Variants in FOXN3 observed in about 807,000 individuals in gnomAD.
The protein encoded by FOXN3 is forkhead box N3.
In FOXN3, 7 loss-of-function variants were observed where a neutral mutation model predicts 38.4. The observed-to-expected ratio is 0.18, with a 90% CI of 0.10 to 0.34. The LOEUF (loss-of-function observed/expected upper bound fraction) is 0.34, where lower values mean the gene tolerates loss of function less well. Among genes scored for constraint, FOXN3 ranks in the 10% least tolerant of loss-of-function variants. The pLI, the probability that FOXN3 is intolerant of heterozygous loss-of-function variation, is 1.00. For synonymous variants in FOXN3, 230 were observed against 242.2 expected, an observed-to-expected ratio of 0.95 and a Z score of 0.47; for missense variants, 456 against 613.4, an observed-to-expected ratio of 0.74 and a Z score of 2.71.
chr14:89,236,249 C>A (rs1453035772), intron 4 of FOXN3, among the ~76,000 whole-genome samples: 2 of 152,222 alleles, frequency 1.3e-5, no homozygotes, highest in Non-Finnish European at 2.9e-5. Flanking sequence ...GGCACGGTGG[C>A]TCATGCCTGT....
chr14:89,550,356 A>G (rs1431157649), intron 1 of FOXN3, among the ~76,000 whole-genome samples: 2 of 152,200 alleles, frequency 1.3e-5, no homozygotes, highest in African/African-American at 4.8e-5. Context: ...GCTGGAAGAC[A>G]TTCTGCGTGA....
At chr14:89,337,636 C>T (rs1039115355) in intron 3 of FOXN3, among the ~76,000 whole-genome samples, 6 of 144,898 alleles carry the variant, frequency 4.1e-5, no homozygotes, top group Admixed American at 1.4e-4. Flanking sequence ...CTTTTCTTTT[C>T]TTTTTTTTTT....
Position 89,428,849 on chromosome 14 carries a change from C to T in FOXN3, c.-14-16359G>A, listed in dbSNP as rs190730138. ...CCTGAGGACCAAGGTGGGCATGCCA[C>T]GGTGTCCTGGACTTCTGGATGGAGG... On this transcript the variant is annotated intron_variant, in intron 1 of 6. Coordinates refer to the FOXN3 transcript ENST00000345097. 2.3e-3 allele frequency among the ~76,000 whole-genome samples: 349 copies of T among 152,318 alleles called. 2 individuals carry two copies. Among genetic ancestry groups the T allele is most frequent in the Non-Finnish European group, 2.5e-3 (172 of 68,018 alleles).
intron 4 of FOXN3, among the ~76,000 whole-genome samples, chr14:89,275,092 T>C (rs376701313): frequency 3.3e-5 from 5 of 152,184 alleles, no homozygotes; most frequent in African/African-American, 1.2e-4. Flanking sequence ...GAGACAAGCA[T>C]TGTCATGACT....
intron 1 of FOXN3, among the ~76,000 whole-genome samples, chr14:89,473,892 T>C (rs1893158765): frequency 6.6e-6 from 1 of 152,012 alleles, no homozygotes; most frequent in Admixed American, 6.6e-5. Flanking sequence ...ACACAAAACA[T>C]GAATTTAGGA....
chr14:89,390,489 T>TAAA (rs1890913145), intron 2 of FOXN3, among the ~76,000 whole-genome samples: 2 of 118,438 alleles, frequency 1.7e-5, no homozygotes, highest in Non-Finnish European at 3.8e-5. Context: ...AAGCTGCTTT[T>TAAA]TAAAAAAAAA....
At chr14:89,181,768 C>T (rs1887680908) in intron 4 of FOXN3, among the ~76,000 whole-genome samples, 1 of 152,232 alleles carries the variant, frequency 6.6e-6, no homozygotes, top group African/African-American at 2.4e-5. Context: ...ACCCTCCAAA[C>T]AGCAATTTCA....
chr14:89,592,237 T>C (rs2139927532), intron 1 of FOXN3, among the ~76,000 whole-genome samples: 1 of 152,314 alleles, frequency 6.6e-6, no homozygotes, highest in African/African-American at 2.4e-5. Flanking sequence ...ACCCCAATGT[T>C]CAACTAATAG....
chr14:89,546,246 A>G (rs1318333206), intron 1 of FOXN3, among the ~76,000 whole-genome samples: 2 of 151,686 alleles, frequency 1.3e-5, no homozygotes, highest in East Asian at 3.9e-4. Flanking sequence ...TGTTTTACAG[A>G]GAATTATTCA....
At chr14:89,215,370 C>T (rs1051201539) in intron 4 of FOXN3, among the ~76,000 whole-genome samples, 1 of 149,638 alleles carries the variant, frequency 6.7e-6, no homozygotes, top group African/African-American at 2.5e-5. Context: ...TGGCAGAAAG[C>T]CAAAGTAATA....
At chr14:89,486,736 A>G (rs533093791) in intron 1 of FOXN3, 4 of 152,146 alleles carry the variant, frequency 2.6e-5, no homozygotes, top group Non-Finnish European at 5.9e-5. Context: ...TGCAACCACA[A>G]TGGATGTCAT....
intron 1 of FOXN3, among the ~76,000 whole-genome samples, chr14:89,491,607 G>A (rs1240166482): frequency 6.6e-6 from 1 of 152,200 alleles, no homozygotes; most frequent in African/African-American, 2.4e-5. Flanking sequence ...AGCCCTGGAT[G>A]CCAACCTTTC....
intron 4 of FOXN3, among the ~76,000 whole-genome samples, chr14:89,275,564 C>T (rs34105469): frequency 0.31 from 46,926 of 152,072 alleles, 8,483 homozygotes; most frequent in Middle Eastern, 0.44. Context: ...ACTATAACTT[C>T]CTCTTGAGCC....
At chr14:89,565,093 CAAAAAAAAAAAAAAAA>C (rs59821937) in intron 1 of FOXN3, among the ~76,000 whole-genome samples, 1 of 52,898 alleles carries the variant, frequency 1.9e-5, no homozygotes, top group Non-Finnish European at 3.6e-5. Context: ...GAGCTCGTCT[CAAAAAAAAAAAAAAAA>C]AAAAAAAAAG....
rs529681867 is a variant in FOXN3, at chr14:89,176,368, A to G, written c.851+4333T>C. ...CCTTTGCCACTCTGTGGAGGAAAAA[A>G]AAATCCCTGAAAGACAAATATTTTC... On this transcript the variant is annotated intron_variant, in intron 5 of 5. Coordinates refer to ENST00000557258, the MANE Select transcript of FOXN3 (RefSeq NM_005197.4). Among the ~76,000 whole-genome samples, 4 of 152,312 alleles carry G rather than the reference A, an allele frequency of 2.6e-5. No individual in the cohort carries two copies. The South Asian group carries it at 6.2e-4, about 24-fold the overall frequency.
intron 2 of FOXN3, among the ~76,000 whole-genome samples, chr14:89,359,864 G>A (rs1345340831): frequency 6.6e-6 from 1 of 152,190 alleles, no homozygotes; most frequent in Non-Finnish European, 1.5e-5. Context: ...CTCCCTGGCT[G>A]GGGCAGCTGG....
upstream of FOXN3, among the ~76,000 whole-genome samples, chr14:89,420,717 G>A (rs574831312): frequency 3.9e-5 from 6 of 152,138 alleles, 1 homozygote; most frequent in South Asian, 2.1e-4. Flanking sequence ...AGAGATAGAC[G>A]GTCTTTGTCC....
At chr14:89,409,539 A>G (rs913760739) in intron 2 of FOXN3, 10 of 152,368 alleles carry the variant, frequency 6.6e-5, no homozygotes, top group African/African-American at 2.4e-4. Context: ...GTGCACCGGC[A>G]TTATGTCAAA....
At chr14:89,279,719 G>T (rs1886401399) in intron 4 of FOXN3, among the ~76,000 whole-genome samples, 1 of 152,074 alleles carries the variant, frequency 6.6e-6, no homozygotes, top group Non-Finnish European at 1.5e-5. Flanking sequence ...ATTAAAATTA[G>T]GTTTAACCAA....
Sources: gnomAD v4.1 joint callset for allele counts (sites outside exome capture counted in the v4.1 genomes callset) on GRCh38, gnomAD v4.1.1 for gene constraint, MANE v1.5 for transcripts, NCBI Gene and HGNC (gene_info 2026-07-23, HGNC 2026-07-21) for gene names.